Variants in REV3L observed in about 807,000 individuals in gnomAD.
REV3L encodes DNA polymerase zeta catalytic subunit.
In REV3L, 69 loss-of-function variants were observed where a neutral mutation model predicts 299.4. The ratio of observed to expected loss-of-function variants is 0.23; its 90% CI spans 0.19 to 0.28. The LOEUF (loss-of-function observed/expected upper bound fraction) is 0.28. Ranked by LOEUF, REV3L falls within the 10% of genes least tolerant of loss-of-function variation. The pLI is 1.00. For missense variants in REV3L, 3,128 were observed against 3,693.8 expected (o/e 0.85, Z 3.97); for synonymous variants, 1,238 against 1,271.4 (o/e 0.97, Z 0.56).
At chr6:111,350,797 T>C (rs546529352) in intron 19 of REV3L, among the ~76,000 whole-genome samples, 1 of 151,404 alleles carries the variant, frequency 6.6e-6, no homozygotes, top group African/African-American at 2.4e-5. Context: ...CTTTGTTGCC[T>C]GGGATAGTTT....
At chr6:111,462,345 C>T (rs531316208) in intron 1 of REV3L, among the ~76,000 whole-genome samples, 5 of 151,888 alleles carry the variant, frequency 3.3e-5, no homozygotes, top group African/African-American at 1.2e-4. Flanking sequence ...TAATACAAGG[C>T]AAAGAAGATT....
In REV3L at chr6:111,478,393, T is replaced by C. The variant is rs145599520; in HGVS notation, c.139+4357A>G. Among the ~76,000 whole-genome samples, 832 of 152,218 alleles carry C rather than the reference T, an allele frequency of 5.5e-3. 32 individuals are homozygous for C. Among genetic ancestry groups the C allele is most frequent in the Admixed American group, 0.05 (766 of 15,284 alleles). ...TACTCAGGGCTTCAAATACCTACTT[T>C]AAAAAAAGTGACCAATTTGTTTGTG... On this transcript the variant is annotated intron_variant, in intron 1 of 31. Coordinates refer to ENST00000368802, the MANE Select transcript of REV3L (RefSeq NM_001372078.1).
At chr6:111,438,014 A>ATTTTTTTTTTTTTTT (rs113741430) in intron 1 of REV3L, among the ~76,000 whole-genome samples, 2 of 146,664 alleles carry the variant, frequency 1.4e-5, no homozygotes, top group Non-Finnish European at 1.5e-5. Flanking sequence ...CACCTGCCTA[A>ATTTTTTTTTTTTTTT]TTTTTTTTTT....
At chr6:111,412,449 T>A (rs2128281412) in intron 2 of REV3L, among the ~76,000 whole-genome samples, 1 of 152,266 alleles carries the variant, frequency 6.6e-6, no homozygotes, top group Non-Finnish European at 1.5e-5. Flanking sequence ...AAGGATGATG[T>A]AATTAGAAAC....
At position 111,313,470 on chromosome 6, in the gene REV3L, A is replaced by G; in HGVS notation, c.8486T>C (p.Leu2829Ser). Residue 2829 changes from leucine (L) to serine (S), a missense_variant, in exon 28 of 32, where the codon TTA becomes TCA. Transcript: ENST00000368802. ...ACCCACATACCTCTTTTTTGTTTGT[A>G]AAACACAGGGCAAATATACCTGTGG... Reference protein sequence around the residue: ...KFEKVYLPCVLQTKKRYVGYM... With the variant: ...KFEKVYLPCVSQTKKRYVGYM... The G allele has an allele frequency of 1.2e-6, 2 of 1,611,372 alleles. No homozygotes were observed. The highest frequency in any genetic ancestry group is 1.7e-6 in the Non-Finnish European group (2 of 1,179,192).
chr6:111,340,261 G>T (rs1373542153), intron 21 of REV3L, among the ~76,000 whole-genome samples: 6 of 152,042 alleles, frequency 3.9e-5, no homozygotes, highest in Non-Finnish European at 5.9e-5. Flanking sequence ...CTCAGAAACT[G>T]GAATCTGGAA....
intron 21 of REV3L, among the ~76,000 whole-genome samples, chr6:111,338,468 T>A (rs1776161433): frequency 6.6e-6 from 1 of 151,470 alleles, no homozygotes; most frequent in Admixed American, 6.6e-5. Context: ...CAGGATTTTT[T>A]TCCTTTGATA....
rs148413511 is a variant in REV3L at position 111,307,433 on chromosome 6, T to C, written c.9180A>G (p.Gln3060=). ...TGAGGATGACTGCAACATGCTGAGG[T>C]TGGCTCCGACATTTACTACAGATGC... is the stretch of plus-strand genomic sequence containing the variant. ...QHGICSKCRS[Q]PQHVAVILNQ... Residue 3060 remains glutamine, a synonymous_variant, in exon 31 of 32, where the codon CAA becomes CAG. Transcript: ENST00000368802. 2 of 1,614,072 alleles carry C rather than the reference T, an allele frequency of 1.2e-6. No individual in the cohort carries two copies. The highest frequency in any genetic ancestry group is 1.3e-5 in the African/African-American group (1 of 74,926).
intron 4 of REV3L, among the ~76,000 whole-genome samples, chr6:111,404,874 C>T (rs1020828123): frequency 6.6e-6 from 1 of 152,072 alleles, no homozygotes; most frequent in African/African-American, 2.4e-5. Flanking sequence ...AATGCTTGCA[C>T]AGCCCACTGA....
chr6:111,468,355 G>A (rs569086301), intron 1 of REV3L, among the ~76,000 whole-genome samples: 55 of 152,182 alleles, frequency 3.6e-4, no homozygotes, highest in African/African-American at 5.3e-4. Context: ...AAGAACTAAC[G>A]GAGGAAAACA....
At chr6:111,309,762 T>C (rs1191119276) in intron 30 of REV3L, 91 bp downstream of exon 30, 3 of 1,426,914 alleles carry the variant, frequency 2.1e-6, no homozygotes, top group Non-Finnish European at 2.9e-6. Context: ...AGCACTCCCA[T>C]ATCAATAGCA....
At position 111,378,176 on chromosome 6, in the gene REV3L, C is replaced by A. The variant is rs113871102; in HGVS notation, c.1455-333G>T. 3.9e-5 allele frequency among the ~76,000 whole-genome samples: 6 copies of A among 152,176 alleles called. 1 individual carries two copies. Among genetic ancestry groups the A allele is most frequent in the African/African-American group, 1.4e-4 (6 of 41,526 alleles). ...AAGAATAAAAAGATGAGTGAAGGGG[C>A]ATTGAGGTCAGGGCTGAAGAGAAAA... On this transcript the variant is annotated intron_variant, in intron 11 of 31. Coordinates refer to ENST00000368802, the MANE Select transcript of REV3L (RefSeq NM_001372078.1).
intron 31 of REV3L, among the ~76,000 whole-genome samples, chr6:111,304,066 G>C (rs1161851350): frequency 1.3e-5 from 2 of 151,792 alleles, no homozygotes; most frequent in Non-Finnish European, 2.9e-5. Context: ...TATATTTTTT[G>C]GTACTGGGTT....
chr6:111,417,011 GAA>G (rs533411120), intron 1 of REV3L, among the ~76,000 whole-genome samples: 1 of 141,982 alleles, frequency 7.0e-6, no homozygotes, highest in African/African-American at 2.6e-5. Context: ...CCATTAAAAG[GAA>G]AAAAAAAAAG....
At chr6:111,465,904 G>A (rs902764688) in intron 1 of REV3L, among the ~76,000 whole-genome samples, 3 of 151,914 alleles carry the variant, frequency 2.0e-5, no homozygotes, top group Non-Finnish European at 1.5e-5. Flanking sequence ...TTTGACACAG[G>A]ACAAAAAGAT....
At chr6:111,443,397 C>T (rs1488943722) in intron 1 of REV3L, among the ~76,000 whole-genome samples, 3 of 152,184 alleles carry the variant, frequency 2.0e-5, no homozygotes, top group East Asian at 1.9e-4. Flanking sequence ...CCACCGCGCC[C>T]GGCCATATCT....
chr6:111,328,390 C>G (rs930145401), intron 25 of REV3L, among the ~76,000 whole-genome samples: 12 of 152,150 alleles, frequency 7.9e-5, no homozygotes, highest in African/African-American at 2.9e-4. Flanking sequence ...GTGTGAGACA[C>G]CACACCTGGC....
rs17511413 is a variant in REV3L at position 111,316,153 on chromosome 6, G to A, written c.8352-772C>T. Among the ~76,000 whole-genome samples, 295 of 150,818 alleles carry A rather than the reference G, an allele frequency of 2.0e-3. 1 individual carries two copies. Among genetic ancestry groups the A allele is most frequent in the African/African-American group, 6.7e-3 (275 of 40,990 alleles). ...CTTGGGAGGCTGAGGCAGGAGAATC[G>A]CTTGAGCCTGGGAGGCAGAGGTTGC... On this transcript the variant is annotated intron_variant, in intron 26 of 31. Transcript: ENST00000368802.
At chr6:111,377,366 TTGTTC>T (rs1447918640) in intron 12 of REV3L, among the ~76,000 whole-genome samples, 1 of 152,294 alleles carries the variant, frequency 6.6e-6, no homozygotes, top group East Asian at 1.9e-4. Context: ...AGGCAGAATC[TTGTTC>T]TGTTGCCTAG....
Sources: allele counts gnomAD v4.1 joint callset (sites outside exome capture counted in the v4.1 genomes callset), GRCh38; gene constraint gnomAD v4.1.1; transcripts MANE v1.5; gene names NCBI Gene and HGNC (gene_info 2026-07-23, HGNC 2026-07-21).